The following PTK2B variants were observed in gnomAD, a reference collection of about 807,000 sequenced individuals.
PTK2B encodes protein-tyrosine kinase 2-beta.
In PTK2B, 71 loss-of-function variants were observed where a neutral mutation model predicts 142.9. That is an observed-to-expected ratio of 0.50 (90% CI 0.41 to 0.61). PTK2B has a LOEUF of 0.61. PTK2B is among the 20% of genes least tolerant of loss of function. The pLI, the probability that PTK2B is intolerant of heterozygous loss-of-function variation, is 0.00. For synonymous variants in PTK2B, 519 were observed against 503.4 expected, an observed-to-expected ratio of 1.03 and a Z score of -0.42; for missense variants, 1,105 against 1,320.4, an observed-to-expected ratio of 0.84 and a Z score of 2.53.
rs1812008176 is a variant in PTK2B, at chr8:27,454,301, G to A, written c.2733+10G>A. On this transcript the variant is annotated intron_variant, in intron 29 of 30. Coordinates refer to ENST00000346049, the MANE Select transcript of PTK2B (RefSeq NM_173176.3). ...CGTGGTGGTGGTGAAGGTGAGAGCA[G>A]GGCTGGGTTGGGGAGGTGGAGGCGG... The A allele has an allele frequency of 6.2e-7, 1 of 1,610,118 alleles. No individual in the cohort carries two copies. The highest frequency in any genetic ancestry group is 1.3e-5 in the African/African-American group (1 of 74,790).
chr8:27,403,872 C>G (rs1221741806), intron 2 of PTK2B, among the ~76,000 whole-genome samples: 1 of 148,560 alleles, frequency 6.7e-6, no homozygotes, highest in Non-Finnish European at 1.5e-5. Context: ...TCTTCTTTCT[C>G]CCTTCTTTCT....
intron 21 of PTK2B, among the ~76,000 whole-genome samples, chr8:27,440,726 C>T (rs1811107417): frequency 6.6e-6 from 1 of 152,240 alleles, no homozygotes; most frequent in Non-Finnish European, 1.5e-5. Flanking sequence ...GAGCCAGACT[C>T]TCATCGAAGT....
chr8:27,443,586 A>G (rs1404044296), intron 22 of PTK2B, among the ~76,000 whole-genome samples: 2 of 152,180 alleles, frequency 1.3e-5, no homozygotes, highest in Non-Finnish European at 2.9e-5. Flanking sequence ...TACCTGGCAG[A>G]CACAGAGTGG....
intron 15 of PTK2B, 46 bp from the exon 16 acceptor site, chr8:27,437,076 G>C (rs200276906): frequency 1.9e-6 from 3 of 1,570,986 alleles, no homozygotes; most frequent in Non-Finnish European, 2.6e-6. Context: ...ACATTCTGCT[G>C]AGCACTGGGC....
At chr8:27,451,803 T>C in intron 27 of PTK2B, 1 of 1,284,788 alleles carries the variant, frequency 7.8e-7, no homozygotes, top group Non-Finnish European at 9.9e-7. Context: ...AATTCTCTCT[T>C]CCTCATTTCC....
chr8:27,411,502 C>T (rs540655074), intron 2 of PTK2B, among the ~76,000 whole-genome samples: 26 of 152,304 alleles, frequency 1.7e-4, no homozygotes, highest in African/African-American at 6.0e-4. Context: ...ATGTCATAGA[C>T]AGTTGCTGAT....
At position 27,451,527 on chromosome 8, in the gene PTK2B, T is replaced by G. The variant is rs374097190; in HGVS notation, c.2548+18T>G. On this transcript the variant is annotated intron_variant, in intron 27 of 30. Transcript: ENST00000346049. ...CGGCTACCGTGAGTGTTCCCGCCCT[T>G]CTTCGGGGGGTTTCCTCTTGGCACC... 171 of 1,612,912 alleles carry G rather than the reference T, an allele frequency of 1.1e-4. No individual in the cohort carries two copies. The African/African-American group carries it at 2.1e-3, about 20-fold the overall frequency.
chr8:27,351,561 A>G (rs537422833), intron 1 of PTK2B, among the ~76,000 whole-genome samples: 2 of 152,306 alleles, frequency 1.3e-5, no homozygotes, highest in East Asian at 3.9e-4. Flanking sequence ...ATCTGAGGCT[A>G]GAACTGAGTT....
At chr8:27,354,773 C>T (rs890964040) in intron 1 of PTK2B, among the ~76,000 whole-genome samples, 1 of 152,108 alleles carries the variant, frequency 6.6e-6, no homozygotes, top group African/African-American at 2.4e-5. Flanking sequence ...GCTTGCCTTC[C>T]TTGTCTCATT....
Position 27,437,470 on chromosome 8 carries a change from A to G in PTK2B, c.1501A>G (p.Ile501Val), listed in dbSNP as rs773527019. 1.3e-5 allele frequency: 21 copies of G among 1,612,392 alleles called. No homozygotes were observed. The African/African-American group carries it at 1.7e-4, about 13-fold the overall frequency. The change falls in exon 17 of 31, where the codon ATC (isoleucine) becomes GTC (valine). Residue 501 changes from isoleucine to valine, a missense_variant. Transcript: ENST00000346049. ...GIIEEEPTWIIMELYPYGELG... is the reference protein window; with the variant it reads ...GIIEEEPTWIVMELYPYGELG... Reference sequence around the variant, plus strand: ...CATTGAAGAGGAGCCCACCTGGATCATCATGGAATTGTATCCCTATGGGGA... The same window carrying G: ...CATTGAAGAGGAGCCCACCTGGATCGTCATGGAATTGTATCCCTATGGGGA...
intron 4 of PTK2B, 151 bp from the exon 5 acceptor site, chr8:27,422,153 T>A: frequency 1.6e-6 from 1 of 643,518 alleles, no homozygotes; most frequent in Non-Finnish European, 2.5e-6. Flanking sequence ...TTTCCCCTCG[T>A]GCTCTCCATC....
rs1811428978 is a variant in PTK2B, at chr8:27,445,737, A to G, written c.2215-57A>G. The G allele has an allele frequency of 5.0e-6, 8 of 1,605,474 alleles. No homozygotes were observed. The South Asian group carries it at 7.7e-5, about 15-fold the overall frequency. On this transcript the variant is annotated intron_variant, in intron 23 of 30. Transcript: ENST00000346049. ...TTTGTGCTCGTGTTTGTAGCAGCTAATTGTCTACCTTCTCGCTTTGTCCCG... is the reference window on the plus strand; with the variant it reads ...TTTGTGCTCGTGTTTGTAGCAGCTAGTTGTCTACCTTCTCGCTTTGTCCCG...
upstream of PTK2B, among the ~76,000 whole-genome samples, chr8:27,321,318 C>T (rs756412891): frequency 6.6e-6 from 1 of 152,112 alleles, no homozygotes; most frequent in Non-Finnish European, 1.5e-5. Flanking sequence ...TCTTAACACT[C>T]CAGAAATTCC....
At chr8:27,395,805 T>A (rs748572502) in intron 1 of PTK2B, among the ~76,000 whole-genome samples, 11 of 152,196 alleles carry the variant, frequency 7.2e-5, no homozygotes, top group Non-Finnish European at 1.6e-4. Flanking sequence ...CTCCCTGTCA[T>A]CATTTCTCTG....
intron 1 of PTK2B, among the ~76,000 whole-genome samples, chr8:27,356,167 T>TC (rs1382649506): frequency 1.3e-5 from 2 of 152,162 alleles, no homozygotes; most frequent in African/African-American, 4.8e-5. Context: ...GTGATGACAG[T>TC]CCCTCTCTAT....
At chr8:27,392,690 G>A (rs1024605594) in intron 1 of PTK2B, among the ~76,000 whole-genome samples, 2 of 152,208 alleles carry the variant, frequency 1.3e-5, no homozygotes, top group African/African-American at 4.8e-5. Context: ...AGAACCTGAA[G>A]AGGGGTGGCA....
At chr8:27,448,425 C>G (rs1225747263) in intron 24 of PTK2B, among the ~76,000 whole-genome samples, 1 of 152,194 alleles carries the variant, frequency 6.6e-6, no homozygotes, top group Non-Finnish European at 1.5e-5. Context: ...TCAGCAAAAC[C>G]AACCTCAAAG....
upstream of PTK2B, chr8:27,310,852 T>C: frequency 6.2e-7 from 1 of 1,609,414 alleles, no homozygotes; most frequent in East Asian, 2.2e-5. Flanking sequence ...GCCCCTGGTG[T>C]CGGGGGTCGG....
chr8:27,336,475 A>G (rs1804071063), intron 1 of PTK2B, among the ~76,000 whole-genome samples: 1 of 152,206 alleles, frequency 6.6e-6, no homozygotes, highest in African/African-American at 2.4e-5. Context: ...GCTGGCATTG[A>G]GTACGTACAA....
Sources: allele counts gnomAD v4.1 joint callset (sites outside exome capture counted in the v4.1 genomes callset), GRCh38; gene constraint gnomAD v4.1.1; transcripts MANE v1.5; gene names NCBI Gene and HGNC (gene_info 2026-07-23, HGNC 2026-07-21).